The following STX3 variants were observed in gnomAD, a reference collection of about 807,000 sequenced individuals.
STX3 encodes the protein syntaxin-3.
A neutral mutation model predicts 40.2 loss-of-function variants in STX3; 19 were observed. The observed-to-expected ratio is 0.47, with a 90% CI of 0.33 to 0.69. STX3 has a LOEUF of 0.69. Among genes scored for constraint, STX3 ranks in the 30% least tolerant of loss-of-function variants. The probability of loss-of-function intolerance (pLI) is 0.02; values close to 1 mark genes in which losing one functional copy is unlikely to be tolerated. For synonymous variants in STX3, 122 were observed against 132.2 expected (o/e 0.92, Z 0.53); for missense variants, 364 against 366.7 (o/e 0.99, Z 0.06).
At chr11:59,792,844 G>A (rs1466342324) in intron 6 of STX3, among the ~76,000 whole-genome samples, 1 of 152,174 alleles carries the variant, frequency 6.6e-6, no homozygotes, top group Non-Finnish European at 1.5e-5. Context: ...ACACCATAGT[G>A]TAGTGAATGG....
intron 4 of STX3, 108 bp from the exon 5 acceptor site, chr11:59,790,411 A>T: frequency 1.2e-6 from 1 of 834,678 alleles, no homozygotes; most frequent in South Asian, 1.4e-5. Flanking sequence ...CCTACCTGTT[A>T]CATCTCCGTG....
At chr11:59,784,926 A>T (rs1177557128) in intron 2 of STX3, among the ~76,000 whole-genome samples, 1 of 152,144 alleles carries the variant, frequency 6.6e-6, no homozygotes, top group Non-Finnish European at 1.5e-5. Context: ...ACAGATAATT[A>T]AAAAAATTAA....
intron 10 of STX3, among the ~76,000 whole-genome samples, chr11:59,798,868 A>T (rs1397517080): frequency 1.3e-5 from 2 of 151,502 alleles, no homozygotes; most frequent in African/African-American, 4.9e-5. Context: ...GACTATTAAG[A>T]CTTTTGTGAC....
intron 6 of STX3, 52 bp from the exon 7 acceptor site, chr11:59,793,047 T>C (rs1307057542): frequency 1.3e-6 from 2 of 1,579,976 alleles, no homozygotes. Flanking sequence ...CCTTATCAGA[T>C]GGTGTTTCAC....
chr11:59,762,515 C>T lies in STX3; in HGVS notation c.30+6880C>T, dbSNP rs531744703. 1.3e-4 allele frequency among the ~76,000 whole-genome samples: 20 copies of T among 152,266 alleles called. No individual in the cohort carries two copies. In the South Asian group the frequency reaches 3.3e-3, roughly 25 times the overall value. ...TGTTGAGTGTTTAATGAAGGTTGCG[C>T]GTTGTCACTGTTATTTAAGTATTCT... On this transcript the variant is annotated intron_variant, in intron 1 of 10. Transcript: ENST00000337979.
chr11:59,756,131 G>C (rs1181209661), intron 1 of STX3, among the ~76,000 whole-genome samples: 5 of 152,018 alleles, frequency 3.3e-5, no homozygotes, highest in Non-Finnish European at 5.9e-5. Context: ...TCTCCAACCG[G>C]TGGTCTGTAA....
chr11:59,782,853 G>A lies in STX3; in HGVS notation c.115-4184G>A, dbSNP rs1864485290. ...ACTAAAAATACAAAAAAAAAAAAAA[G>A]GTTGGTGTGGTGGCGGGTGCCTGTA... is the stretch of plus-strand genomic sequence containing the variant. On this transcript the variant is annotated intron_variant, in intron 2 of 10. Coordinates refer to ENST00000337979, the MANE Select transcript of STX3 (RefSeq NM_004177.5). 4.7e-5 allele frequency among the ~76,000 whole-genome samples: 7 copies of A among 150,492 alleles called. No individual in the cohort carries two copies. In the South Asian group the frequency reaches 1.1e-3, roughly 23 times the overall value.
chr11:59,800,348 A>T (rs1033946793), intron 10 of STX3: 2 of 985,282 alleles, frequency 2.0e-6, no homozygotes, highest in Admixed American at 6.2e-5. Flanking sequence ...ACAGACGGGG[A>T]AAGAGCAATG....
chr11:59,763,598 G>A (rs1481007275), intron 1 of STX3, among the ~76,000 whole-genome samples: 3 of 152,158 alleles, frequency 2.0e-5, no homozygotes, highest in Non-Finnish European at 4.4e-5. Context: ...TCCTAACAGT[G>A]ATACAATTAG....
rs1159729606 is a variant in STX3 at position 59,800,839 on chromosome 11, T to A, written c.*31-16T>A. On this transcript the variant is annotated splice_polypyrimidine_tract_variant and intron_variant, in intron 10 of 10. Coordinates refer to ENST00000337979, the MANE Select transcript of STX3 (RefSeq NM_004177.5). ...TTCCTGTGTACTGATCAGCTCCTCC[T>A]TTCCCTGCCTCCTAGAAACTGATTT... 1 of 1,536,296 alleles carries A rather than the reference T, an allele frequency of 6.5e-7. No homozygotes were observed. Among genetic ancestry groups the A allele is most frequent in the Non-Finnish European group, 8.7e-7 (1 of 1,146,894 alleles).
intron 2 of STX3, among the ~76,000 whole-genome samples, chr11:59,777,153 G>A (rs1463983388): frequency 2.0e-5 from 3 of 152,224 alleles, no homozygotes; most frequent in Non-Finnish European, 4.4e-5. Context: ...AAAAGTGTCA[G>A]TAAGGTACCA....
At chr11:59,773,532 C>T (rs1268848084) in intron 2 of STX3, among the ~76,000 whole-genome samples, 1 of 152,172 alleles carries the variant, frequency 6.6e-6, no homozygotes, top group Non-Finnish European at 1.5e-5. Context: ...TGAAGAGATG[C>T]TTTTAAAATC....
intron 2 of STX3, 149 bp downstream of exon 2, chr11:59,773,443 A>G: frequency 1.5e-6 from 1 of 679,100 alleles, no homozygotes; most frequent in Admixed American, 3.0e-5. Flanking sequence ...AAATTAAAAT[A>G]ACATTATTTT....
At chr11:59,774,252 T>C (rs371007178) in intron 2 of STX3, among the ~76,000 whole-genome samples, 10 of 152,066 alleles carry the variant, frequency 6.6e-5, no homozygotes, top group African/African-American at 2.4e-4. Context: ...CAACCCTGCT[T>C]CTGAGAAGCT....
At chr11:59,766,783 T>A (rs369609143) in intron 1 of STX3, among the ~76,000 whole-genome samples, 1 of 152,218 alleles carries the variant, frequency 6.6e-6, no homozygotes, top group Non-Finnish European at 1.5e-5. Context: ...TTAGGACAGA[T>A]GACTTAAGCT....
At chr11:59,785,615 G>A (rs1864706298) in intron 2 of STX3, among the ~76,000 whole-genome samples, 1 of 152,168 alleles carries the variant, frequency 6.6e-6, no homozygotes, top group African/African-American at 2.4e-5. Context: ...ACAGGTGTGA[G>A]CCATTGTGCC....
intron 8 of STX3, 47 bp from the exon 9 acceptor site, chr11:59,795,325 C>T (rs574686943): frequency 6.6e-7 from 1 of 1,515,172 alleles, no homozygotes; most frequent in African/African-American, 1.4e-5. Context: ...TTGGCTAGGA[C>T]TGACCTGAGA....
intron 4 of STX3, 107 bp from the exon 5 acceptor site, chr11:59,790,412 C>T (rs879524067): frequency 2.4e-6 from 2 of 846,294 alleles, no homozygotes; most frequent in East Asian, 2.6e-5. Flanking sequence ...CTACCTGTTA[C>T]ATCTCCGTGG....
intron 1 of STX3, among the ~76,000 whole-genome samples, chr11:59,765,687 C>A (rs1863246513): frequency 6.6e-6 from 1 of 152,006 alleles, no homozygotes; most frequent in African/African-American, 2.4e-5. Flanking sequence ...GCCTGTAATC[C>A]CAGCTATTTG....
Sources: gnomAD v4.1 joint callset for allele counts (sites outside exome capture counted in the v4.1 genomes callset) on GRCh38, gnomAD v4.1.1 for gene constraint, MANE v1.5 for transcripts, NCBI Gene and HGNC (gene_info 2026-07-23, HGNC 2026-07-21) for gene names.